Variants in BRCA1 observed in about 807,000 individuals in gnomAD.
The protein encoded by BRCA1 is breast cancer type 1 susceptibility protein.
In BRCA1, 140 loss-of-function variants were observed where a neutral mutation model predicts 173.7. The ratio of observed to expected loss-of-function variants is 0.81; its 90% CI spans 0.70 to 0.93. The LOEUF is 0.93. Ranked by LOEUF, BRCA1 falls within the 40% of genes least tolerant of loss-of-function variation. BRCA1 has a pLI of 0.00. For synonymous variants in BRCA1, 662 were observed against 756.0 expected, an observed-to-expected ratio of 0.88 and a Z score of 2.04; for missense variants, 1,983 against 2,172.5, an observed-to-expected ratio of 0.91 and a Z score of 1.73.
chr17:43,123,979 T>G (rs768583394), intron 2 of BRCA1, 38 bp downstream of exon 2: 3 of 1,497,556 alleles, frequency 2.0e-6, no homozygotes, highest in Non-Finnish European at 2.8e-6. Flanking sequence ...GAGATAATCA[T>G]AGGAATCCCA....
intron 1 of BRCA1, chr17:43,132,855 CCG>C (rs1283532299): frequency 2.0e-5 from 3 of 152,096 alleles, no homozygotes; most frequent in Non-Finnish European, 4.4e-5. Flanking sequence ...GCTCTGCCTC[CCG>C]GGTTCACGCC....
chr17:43,139,320 A>G (rs772185420), intron 1 of BRCA1, among the ~76,000 whole-genome samples: 11 of 150,544 alleles, frequency 7.3e-5, no homozygotes, highest in Non-Finnish European at 1.6e-4. Context: ...TTTGTTGTAC[A>G]GATTATTTCG....
intron 6 of BRCA1, among the ~76,000 whole-genome samples, chr17:43,100,574 C>T (rs1373668993): frequency 8.9e-5 from 5 of 56,308 alleles, no homozygotes; most frequent in Non-Finnish European, 7.1e-5. Flanking sequence ...ATATATATAA[C>T]ATATATATAA....
chr17:43,079,377 C>A (rs1453544316), intron 12 of BRCA1: 2 of 1,597,152 alleles, frequency 1.3e-6, no homozygotes, highest in Admixed American at 3.3e-5. Context: ...TGGAGTTGTT[C>A]CTTTGGCCAT....
intron 19 of BRCA1, among the ~76,000 whole-genome samples, chr17:43,055,210 TAA>T (rs1260486409): frequency 6.6e-6 from 1 of 152,228 alleles, no homozygotes; most frequent in African/African-American, 2.4e-5. Flanking sequence ...GAGTTCTGGC[TAA>T]GTCATCTGCT....
At chr17:43,135,012 C>T (rs2056004574) in intron 1 of BRCA1, among the ~76,000 whole-genome samples, 1 of 152,242 alleles carries the variant, frequency 6.6e-6, no homozygotes, top group Admixed American at 6.5e-5. Context: ...GCCCTACATG[C>T]ACCCACCCCT....
intron 14 of BRCA1, 122 bp from the exon 15 acceptor site, chr17:43,071,360 T>C: frequency 9.0e-7 from 1 of 1,116,306 alleles, no homozygotes; most frequent in Non-Finnish European, 1.3e-6. Context: ...GGTACATGAA[T>C]ACAGTGTTGG....
At chr17:43,136,931 G>A (rs1321212606) in intron 1 of BRCA1, among the ~76,000 whole-genome samples, 5 of 152,116 alleles carry the variant, frequency 3.3e-5, no homozygotes, top group Non-Finnish European at 5.9e-5. Flanking sequence ...CCATTACTGG[G>A]CATATATCCA....
intron 1 of BRCA1, chr17:43,133,091 T>G (rs1325143294): frequency 6.6e-6 from 1 of 152,206 alleles, no homozygotes; most frequent in Admixed American, 6.6e-5. Flanking sequence ...CTTTTAAGCC[T>G]GTTTTCTCAT....
At chr17:43,095,459 G>A (rs1403088878) in intron 9 of BRCA1, among the ~76,000 whole-genome samples, 1 of 152,026 alleles carries the variant, frequency 6.6e-6, no homozygotes, top group African/African-American at 2.4e-5. Flanking sequence ...GCATGCGCCT[G>A]TAGTCCCAGC....
intron 1 of BRCA1, among the ~76,000 whole-genome samples, chr17:43,135,290 G>A (rs1238015810): frequency 1.5e-5 from 2 of 136,572 alleles, no homozygotes; most frequent in East Asian, 4.5e-4. Flanking sequence ...GAGCCACAGA[G>A]CGCAGCGGCC....
At chr17:43,054,734 C>A (rs567549846) in intron 19 of BRCA1, among the ~76,000 whole-genome samples, 1 of 139,104 alleles carries the variant, frequency 7.2e-6, no homozygotes, top group South Asian at 2.4e-4. Flanking sequence ...AGCCGCTGTG[C>A]CCAGCTGGGA....
At chr17:43,110,703 G>A (rs573603647) in intron 3 of BRCA1, 14 of 279,600 alleles carry the variant, frequency 5.0e-5, no homozygotes, top group South Asian at 2.8e-4. Context: ...GGCTGGGTGC[G>A]GTGGCTCATG....
rs80357365 is a variant in BRCA1 at position 43,082,557 on chromosome 17, G to A, written c.4204C>T (p.His1402Tyr). The change falls in exon 12 of 23, where the codon CAT (histidine) becomes TAT (tyrosine). Residue 1402 changes from histidine (H) to tyrosine (Y), a missense_variant. Physicochemically the swap from His to Tyr is moderately conservative, Grantham distance 83 (BLOSUM62 2). Transcript: ENST00000357654. ...LTTQQRDTMQ[H>Y]NLIKLQQEMA... ...TCCTGCTGGAGCTTTATCAGGTTAT[G>A]TTGCATGGTATCCCTCTGCTTCAAA... 2.8e-5 allele frequency: 45 copies of A among 1,614,020 alleles called. No individual in the cohort carries two copies. Among genetic ancestry groups the A allele is most frequent in the Non-Finnish European group, 3.5e-5 (41 of 1,180,040 alleles).
chr17:43,090,790 G>A (rs2053421359), intron 11 of BRCA1, among the ~76,000 whole-genome samples, 154 bp downstream of exon 11: 1 of 152,176 alleles, frequency 6.6e-6, no homozygotes, highest in Admixed American at 6.6e-5. Context: ...CCATCAAGGT[G>A]CTTACAGTCT....
chr17:43,091,795 T>A lies in BRCA1; in HGVS notation c.3736A>T (p.Thr1246Ser), dbSNP rs587776488. 1 of 1,614,230 alleles carries A rather than the reference T, an allele frequency of 6.2e-7. No individual in the cohort carries two copies. Among genetic ancestry groups the A allele is most frequent in the South Asian group, 1.1e-5 (1 of 91,082 alleles). ...TTAGACAGACACTCGGTAGCAACGG[T>A]GCTATGCCTAGTAGACTGAGAAGGT... is the stretch of plus-strand genomic sequence containing the variant. ...NIPSQSTRHS[T>S]VATECLSKNT... Residue 1246 changes from threonine to serine, a missense_variant, in exon 10 of 23, where the codon ACC (threonine) becomes TCC (serine). Transcript: ENST00000357654.
intron 19 of BRCA1, among the ~76,000 whole-genome samples, chr17:43,052,140 G>A (rs556572895): frequency 6.6e-6 from 1 of 152,128 alleles, no homozygotes; most frequent in African/African-American, 2.4e-5. Context: ...ACAGGGCTTG[G>A]CAACACTGTT....
At chr17:43,059,093 T>C (rs2051633789) in intron 18 of BRCA1, among the ~76,000 whole-genome samples, 1 of 152,188 alleles carries the variant, frequency 6.6e-6, no homozygotes, top group Admixed American at 6.5e-5. Context: ...TAGTCCTCCT[T>C]GTACCCCTGA....
At chr17:43,129,714 T>G (rs1222450637), upstream of BRCA1, among the ~76,000 whole-genome samples, 1 of 152,332 alleles carries the variant, frequency 6.6e-6, no homozygotes, top group South Asian at 2.1e-4. Context: ...GACCTCGTGA[T>G]CTGCCTTCCT....
Sources: gnomAD v4.1 joint callset for allele counts (sites outside exome capture counted in the v4.1 genomes callset) on GRCh38, gnomAD v4.1.1 for gene constraint, MANE v1.5 for transcripts, NCBI Gene and HGNC (gene_info 2026-07-23, HGNC 2026-07-21) for gene names.